SATB2: variants seen among roughly 807,000 people sequenced by gnomAD.
SATB2 encodes the protein SATB homeobox 2.
A neutral mutation model predicts 73.4 loss-of-function variants in SATB2; 1 was observed. That is an observed-to-expected ratio of 0.01 (90% CI 0.00 to 0.06). SATB2 has a LOEUF of 0.06. SATB2 is among the 10% of genes least tolerant of loss of function. The probability of loss-of-function intolerance (pLI) is 1.00; values close to 1 mark genes in which losing one functional copy is unlikely to be tolerated. For synonymous variants in SATB2, 397 were observed against 367.0 expected (o/e 1.08, Z -0.93); for missense variants, 459 against 945.8 (o/e 0.49, Z 6.75).
chr2:199,297,387 T>C (rs1670527472), intron 10 of SATB2, among the ~76,000 whole-genome samples: 1 of 151,978 alleles, frequency 6.6e-6, no homozygotes, highest in Admixed American at 6.6e-5. Flanking sequence ...GGGAAAGAGG[T>C]AGAATTCCAG....
intron 3 of SATB2, among the ~76,000 whole-genome samples, chr2:199,386,789 T>C (rs1179015999): frequency 3.3e-5 from 5 of 149,360 alleles, no homozygotes; most frequent in African/African-American, 7.5e-5. Context: ...GCCAGGAACA[T>C]AGTAGATGCT....
chr2:199,391,349 C>T (rs761425482), intron 3 of SATB2, among the ~76,000 whole-genome samples: 39 of 146,152 alleles, frequency 2.7e-4, no homozygotes, highest in East Asian at 4.0e-4. Flanking sequence ...AGGAGAATGG[C>T]GTGAACCCGG....
In SATB2 at chr2:199,272,130, C is replaced by A. The variant is rs1692175368; in HGVS notation, c.*81G>T. ...AAAACCCAAAAACAAAAACAAAAAA[C>A]AAACTAACAAAAAACTTTTAAAGAA... On this transcript the variant is annotated 3_prime_UTR_variant, in exon 11 of 11. Coordinates refer to ENST00000417098, the MANE Select transcript of SATB2 (RefSeq NM_001172509.2). This position sits in a 1 kb window ranked among gnomAD's most constrained non-coding sequence, Gnocchi z 6.7. The A allele has an allele frequency of 7.1e-7, 1 of 1,412,742 alleles. No individual in the cohort carries two copies. Among genetic ancestry groups the A allele is most frequent in the Admixed American group, 1.7e-5 (1 of 59,256 alleles). The allele number at this position is 1,412,742 out of a possible 1,614,324, so 87.5% of individuals were successfully genotyped here. A position where few individuals can be genotyped will look rare whatever the true frequency, so the allele number is the denominator to read the frequency against.
chr2:199,366,136 G>A (rs1260249556), intron 6 of SATB2, among the ~76,000 whole-genome samples: 3 of 152,094 alleles, frequency 2.0e-5, no homozygotes, highest in Non-Finnish European at 4.4e-5. Flanking sequence ...AGAAGTGCAT[G>A]TAAATTGGTA....
At chr2:199,466,613 C>T (rs1327834428), upstream of SATB2, among the ~76,000 whole-genome samples, 1 of 152,180 alleles carries the variant, frequency 6.6e-6, no homozygotes, top group African/African-American at 2.4e-5. Flanking sequence ...GGGCACCTGT[C>T]CTCCCCCAAA....
intron 6 of SATB2, among the ~76,000 whole-genome samples, chr2:199,352,635 C>T (rs973057976): frequency 6.6e-6 from 1 of 152,050 alleles, no homozygotes; most frequent in African/African-American, 2.4e-5. Flanking sequence ...GAAGACATTG[C>T]AAACACAAAT....
intron 6 of SATB2, among the ~76,000 whole-genome samples, chr2:199,356,772 T>C (rs889366722): frequency 1.3e-5 from 2 of 152,110 alleles, no homozygotes; most frequent in African/African-American, 4.8e-5. Flanking sequence ...AAAAAATATA[T>C]TTATTATAAG....
intron 10 of SATB2, among the ~76,000 whole-genome samples, chr2:199,281,101 A>G (rs7607656): frequency 0.5 from 76,593 of 151,854 alleles, 22,372 homozygotes; most frequent in Non-Finnish European, 0.64. Flanking sequence ...CTACTTGACT[A>G]TCAAGGGCAG....
At chr2:199,422,462 T>C (rs912188256) in intron 3 of SATB2, among the ~76,000 whole-genome samples, 2 of 152,142 alleles carry the variant, frequency 1.3e-5, no homozygotes, top group African/African-American at 4.8e-5. Flanking sequence ...AGTTCAATTT[T>C]GTCATTTAAG....
At chr2:199,313,439 A>G (rs1687647641) in intron 9 of SATB2, among the ~76,000 whole-genome samples, 2 of 152,182 alleles carry the variant, frequency 1.3e-5, no homozygotes, top group South Asian at 4.1e-4. Context: ...ATCAATGGTT[A>G]AAAGTTCCCA....
intron 5 of SATB2, among the ~76,000 whole-genome samples, chr2:199,369,350 A>G (rs759538867): frequency 6.6e-6 from 1 of 152,106 alleles, no homozygotes; most frequent in Non-Finnish European, 1.5e-5. Flanking sequence ...CATCCTCCTC[A>G]GCCCAACTGC....
At chr2:199,422,866 G>A (rs1367132881) in intron 3 of SATB2, among the ~76,000 whole-genome samples, 1 of 152,102 alleles carries the variant, frequency 6.6e-6, no homozygotes, top group African/African-American at 2.4e-5. Flanking sequence ...TGTCTATTAT[G>A]TAAAAGCTTC....
At chr2:199,456,825 A>C (rs1353826444) in intron 1 of SATB2, among the ~76,000 whole-genome samples, 2 of 152,200 alleles carry the variant, frequency 1.3e-5, no homozygotes, top group African/African-American at 2.4e-5. Flanking sequence ...ATAAAACACA[A>C]AAGCAAAAAG....
chr2:199,421,425 T>C (rs1691166244), intron 3 of SATB2, among the ~76,000 whole-genome samples: 1 of 152,170 alleles, frequency 6.6e-6, no homozygotes, highest in Non-Finnish European at 1.5e-5. Context: ...TGGGCTGTTC[T>C]CAAGCAATTC....
At chr2:199,276,575 A>C (rs559530619) in intron 10 of SATB2, among the ~76,000 whole-genome samples, 1 of 152,282 alleles carries the variant, frequency 6.6e-6, no homozygotes, top group Non-Finnish European at 1.5e-5. Flanking sequence ...TTAAGTCACA[A>C]AATTCACAAT....
intron 7 of SATB2, among the ~76,000 whole-genome samples, chr2:199,337,722 AC>A (rs1485501612): frequency 1.3e-5 from 2 of 152,186 alleles, no homozygotes; most frequent in Non-Finnish European, 2.9e-5. Context: ...AATTTTAGAC[AC>A]AGAACTGTAT....
At chr2:199,306,026 T>C (rs1317196703) in intron 10 of SATB2, among the ~76,000 whole-genome samples, 1 of 152,178 alleles carries the variant, frequency 6.6e-6, no homozygotes, top group East Asian at 1.9e-4. Context: ...ACCCTACATA[T>C]GAATTTTTAA....
intron 10 of SATB2, among the ~76,000 whole-genome samples, chr2:199,293,389 G>C (rs1268997323): frequency 6.6e-6 from 1 of 151,852 alleles, no homozygotes; most frequent in Non-Finnish European, 1.5e-5. Context: ...TCAAAAACTC[G>C]AGTAGCCCAA....
At chr2:199,401,311 G>A (rs778828279) in intron 3 of SATB2, among the ~76,000 whole-genome samples, 2 of 152,064 alleles carry the variant, frequency 1.3e-5, no homozygotes, top group Non-Finnish European at 1.5e-5. Context: ...ACTTTGGGAG[G>A]CCAAGGCAGG....
Sources: gnomAD v4.1 joint callset for allele counts (sites outside exome capture counted in the v4.1 genomes callset) on GRCh38, gnomAD v4.1.1 for gene constraint, Gnocchi (gnomAD v3.1) non-coding constraint, MANE v1.5 for transcripts, NCBI Gene and HGNC (gene_info 2026-07-23, HGNC 2026-07-21) for gene names.